The following MYPN variants were observed in gnomAD, a reference collection of about 807,000 sequenced individuals.
MYPN encodes the protein sarcomeric protein myopalladin, 145 kDa (MYOP).
In MYPN, 63 loss-of-function variants were observed where a neutral mutation model predicts 129.4. That is an observed-to-expected ratio of 0.49 (90% CI 0.40 to 0.60). MYPN has a LOEUF of 0.60. Among genes scored for constraint, MYPN ranks in the 20% least tolerant of loss-of-function variants. MYPN has a pLI of 0.00. For missense variants in MYPN, 1,596 were observed against 1,635.4 expected (o/e 0.98, Z 0.42); for synonymous variants, 629 against 600.9 (o/e 1.05, Z -0.68).
intron 1 of MYPN, among the ~76,000 whole-genome samples, chr10:68,119,383 T>C (rs2042206243): frequency 7.8e-6 from 1 of 128,530 alleles, no homozygotes; most frequent in Non-Finnish European, 1.6e-5. Flanking sequence ...CTTTGCATTT[T>C]ATTTTATTTA....
chr10:68,197,286 T>C (rs1229871247), intron 15 of MYPN, 66 bp from the exon 16 acceptor site: 2 of 1,583,450 alleles, frequency 1.3e-6, no homozygotes, highest in Admixed American at 3.4e-5. Flanking sequence ...CATGCCTAAA[T>C]GCCTATTATC....
chr10:68,088,302 G>A (rs1376351736), intron 1 of MYPN, among the ~76,000 whole-genome samples: 1 of 152,112 alleles, frequency 6.6e-6, no homozygotes, highest in Admixed American at 6.6e-5. Flanking sequence ...TGATGAAAGG[G>A]CATTGCCAAG....
chr10:68,206,681 G>A (rs1564702343), intron 18 of MYPN, 89 bp from the exon 19 acceptor site: 41 of 1,567,872 alleles, frequency 2.6e-5, no homozygotes, highest in Admixed American at 1.7e-5. Context: ...GCCTTAAGCT[G>A]AGTTCCCCCT....
intron 10 of MYPN, among the ~76,000 whole-genome samples, chr10:68,169,180 C>CCA (rs2043103290): frequency 3.5e-5 from 1 of 28,556 alleles, no homozygotes; most frequent in African/African-American, 2.3e-4. Flanking sequence ...TCCGTCTCTA[C>CCA]TAAAAAAAAA....
At chr10:68,178,860 C>A (rs1336221133) in intron 12 of MYPN, among the ~76,000 whole-genome samples, 1 of 152,012 alleles carries the variant, frequency 6.6e-6, no homozygotes, top group Non-Finnish European at 1.5e-5. Flanking sequence ...AATTTCTAAT[C>A]TCCATTTCCC....
intron 7 of MYPN, among the ~76,000 whole-genome samples, chr10:68,160,883 C>T (rs1287192982): frequency 6.6e-6 from 1 of 152,176 alleles, no homozygotes; most frequent in Non-Finnish European, 1.5e-5. Context: ...TGCCACTGTA[C>T]TCCAGCCTGG....
chr10:68,136,017 T>A (rs1379989180), intron 2 of MYPN, among the ~76,000 whole-genome samples: 1 of 152,200 alleles, frequency 6.6e-6, no homozygotes, highest in Non-Finnish European at 1.5e-5. Context: ...ACAAGCGTTA[T>A]TACTGGTGAG....
At chr10:68,177,578 A>G (rs1402033941) in intron 12 of MYPN, among the ~76,000 whole-genome samples, 1 of 152,214 alleles carries the variant, frequency 6.6e-6, no homozygotes, top group African/African-American at 2.4e-5. Context: ...TTCGGAAATG[A>G]TAGTAAAAAC....
chr10:68,195,994 G>A (rs1291739186), intron 15 of MYPN, among the ~76,000 whole-genome samples: 1 of 152,006 alleles, frequency 6.6e-6, no homozygotes, highest in Non-Finnish European at 1.5e-5. Context: ...TGTAGAGACA[G>A]GTGTCTCACT....
upstream of MYPN, among the ~76,000 whole-genome samples, chr10:68,101,909 C>A (rs960269287): frequency 6.6e-6 from 1 of 151,936 alleles, no homozygotes; most frequent in African/African-American, 2.4e-5. Flanking sequence ...CTCATATTTA[C>A]TTATCCCTAT....
chr10:68,206,672 C>T, intron 18 of MYPN, 98 bp from the exon 19 acceptor site: 3 of 1,526,572 alleles, frequency 2.0e-6, no homozygotes, highest in East Asian at 2.3e-5. Flanking sequence ...TTGATGTCTG[C>T]CTTAAGCTGA....
At chr10:68,203,197 G>A (rs10998018) in intron 18 of MYPN, among the ~76,000 whole-genome samples, 62,349 of 151,798 alleles carry the variant, frequency 0.41, 13,637 homozygotes, top group Non-Finnish European at 0.49. Flanking sequence ...AGATGCTGCC[G>A]TGGGGAAAGC....
intron 10 of MYPN, among the ~76,000 whole-genome samples, chr10:68,168,696 GAGTTA>G (rs1324558582): frequency 6.6e-6 from 1 of 152,138 alleles, no homozygotes; most frequent in Non-Finnish European, 1.5e-5. Context: ...GCAATTGAAA[GAGTTA>G]AGTTTTGTCT....
chr10:68,146,395 G>A (rs1471772427), intron 4 of MYPN, among the ~76,000 whole-genome samples: 1 of 152,088 alleles, frequency 6.6e-6, no homozygotes, highest in East Asian at 1.9e-4. Flanking sequence ...CTCCCCTATT[G>A]CACACGCATC....
At chr10:68,177,820 G>A (rs79765131) in intron 12 of MYPN, among the ~76,000 whole-genome samples, 8,295 of 152,208 alleles carry the variant, frequency 0.054, 266 homozygotes, top group African/African-American at 0.065. Flanking sequence ...TGATTCCTTC[G>A]GAAGAGTATG....
In MYPN at chr10:68,131,187, G is replaced by A. The variant is rs1446940236; in HGVS notation, c.902+8847G>A. On this transcript the variant is annotated intron_variant, in intron 2 of 19. Coordinates refer to ENST00000358913, the MANE Select transcript of MYPN (RefSeq NM_032578.4). ...GCAGATCACTTGAGGTCAGGAGTTC[G>A]AGACCAGCCTGGCCAACATGGTGAA... Among the ~76,000 whole-genome samples the A allele has an allele frequency of 3.3e-5, 5 of 152,176 alleles. No homozygotes were observed. In the South Asian group the frequency reaches 1.0e-3, roughly 32 times the overall value.
At chr10:68,106,225 G>A (rs1215333592), upstream of MYPN, 1 of 449,060 alleles carries the variant, frequency 2.2e-6, no homozygotes, top group Non-Finnish European at 4.4e-6. Context: ...TTTAAAGTGG[G>A]TGTTCTGTTT....
In MYPN at chr10:68,121,486, A is replaced by G. The variant is rs951676193; in HGVS notation, c.48A>G (p.Leu16=). ...IEASTSISQL[L]RESYLAETRH... ...CTTCTACTTCCATATCTCAGCTTCT[A>G]AGAGAGAGCTATTTAGCTGAAACCA... Residue 16 remains leucine (L), a synonymous_variant, in exon 2 of 20, where the codon CTA becomes CTG. Transcript: ENST00000358913. The G allele has an allele frequency of 3.1e-6, 5 of 1,614,100 alleles. No individual in the cohort carries two copies. Among genetic ancestry groups the G allele is most frequent in the Non-Finnish European group, 3.4e-6 (4 of 1,179,952 alleles).
At chr10:68,168,757 G>T (rs951711462) in intron 10 of MYPN, among the ~76,000 whole-genome samples, 1 of 152,024 alleles carries the variant, frequency 6.6e-6, no homozygotes, top group South Asian at 2.1e-4. Flanking sequence ...TAAAATAAGG[G>T]AATCCGCTGT....
Sources: allele counts gnomAD v4.1 joint callset (sites outside exome capture counted in the v4.1 genomes callset), GRCh38; gene constraint gnomAD v4.1.1; transcripts MANE v1.5; gene names NCBI Gene and HGNC (gene_info 2026-07-23, HGNC 2026-07-21).